The following ATP11C variants were observed in gnomAD, a reference collection of about 807,000 sequenced individuals.
The protein encoded by ATP11C is phospholipid-transporting ATPase IG.
In ATP11C, 36 loss-of-function variants were observed where a neutral mutation model predicts 97.4. That is an observed-to-expected ratio of 0.37 (90% CI 0.28 to 0.49). The LOEUF is 0.49. ATP11C is among the 20% of genes least tolerant of loss of function. The pLI is 0.98. For synonymous variants in ATP11C, 275 were observed against 290.9 expected, an observed-to-expected ratio of 0.95 and a Z score of 0.56; for missense variants, 730 against 824.6, an observed-to-expected ratio of 0.89 and a Z score of 1.40.
chrX:139,732,057 T>C (rs976564624), intron 28 of ATP11C, among the ~76,000 whole-genome samples: 2 of 111,217 alleles, frequency 1.8e-5, no homozygotes, highest in Non-Finnish European at 3.8e-5. Context: ...TGAGTCAATA[T>C]GGTTTGATTA....
chrX:139,732,682 CATT>C (rs1235557426), intron 28 of ATP11C, among the ~76,000 whole-genome samples: 1 of 110,054 alleles, frequency 9.1e-6, no homozygotes, highest in Non-Finnish European at 1.9e-5. Context: ...GTTTTGAAGA[CATT>C]ATTTTCTGAA....
intron 21 of ATP11C, among the ~76,000 whole-genome samples, 160 bp downstream of exon 21, chrX:139,763,156 T>A (rs989289355): frequency 3.6e-5 from 4 of 112,522 alleles, no homozygotes; most frequent in African/African-American, 1.3e-4. Context: ...GATGGACATG[T>A]TGCATGATCA....
rs774362140 is a variant in ATP11C, at chrX:139,726,935, C to CT, written c.*2030dup. ...TCTTTTAAAAAGGAAAGCCAGGTCC[C>CT]TCTCAAGGATCTAGGCCATGATATC... is the stretch of plus-strand genomic sequence containing the variant. On this transcript the variant is annotated 3_prime_UTR_variant, in exon 30 of 30. Transcript: ENST00000682941. 9 of 111,717 alleles carry CT rather than the reference C, an allele frequency of 8.1e-5. No homozygotes were observed. The East Asian group carries it at 2.5e-3, about 32-fold the overall frequency. 9.2% of individuals were successfully genotyped at this position (111,717 alleles called of 1,213,427 possible). A position where few individuals can be genotyped will look rare whatever the true frequency, so the allele number is the denominator to read the frequency against.
chrX:139,751,153 G>C (rs900578634), intron 23 of ATP11C, among the ~76,000 whole-genome samples: 4 of 112,288 alleles, frequency 3.6e-5, no homozygotes, highest in African/African-American at 1.3e-4. Context: ...GCATTAGTTA[G>C]TTCACTAGTT....
At chrX:139,916,505 G>C (rs1269874029) in intron 1 of ATP11C, among the ~76,000 whole-genome samples, 9 of 111,020 alleles carry the variant, frequency 8.1e-5, no homozygotes, top group African/African-American at 3.0e-4. Flanking sequence ...CAAATGTAAA[G>C]TCAACTACAA....
chrX:139,913,596 T>G (rs2085109846), intron 1 of ATP11C, among the ~76,000 whole-genome samples: 1 of 111,287 alleles, frequency 9.0e-6, no homozygotes, highest in Non-Finnish European at 1.9e-5. Flanking sequence ...TGAAATTCCT[T>G]CTCCTGGCTC....
intron 27 of ATP11C, among the ~76,000 whole-genome samples, chrX:139,740,443 A>C (rs2081532557): frequency 1.8e-5 from 2 of 111,543 alleles, no homozygotes; most frequent in Non-Finnish European, 3.8e-5. Flanking sequence ...TTTAAAGACA[A>C]GCTGCAGAGT....
chrX:139,796,803 C>T (rs778994916), intron 11 of ATP11C, among the ~76,000 whole-genome samples: 2 of 111,595 alleles, frequency 1.8e-5, no homozygotes, highest in East Asian at 2.8e-4. Context: ...ATGCTTTTAT[C>T]GTGACATTTC....
chrX:139,880,479 G>GCA (rs1054512322), intron 1 of ATP11C, among the ~76,000 whole-genome samples: 1 of 111,173 alleles, frequency 9.0e-6, no homozygotes, highest in Admixed American at 9.7e-5. Flanking sequence ...TTTCAAATGG[G>GCA]ATAGAATGAG....
At chrX:139,857,408 T>G (rs1002391515) in intron 1 of ATP11C, among the ~76,000 whole-genome samples, 1 of 111,888 alleles carries the variant, frequency 8.9e-6, no homozygotes, top group African/African-American at 3.2e-5. Context: ...ACTTTTAAAC[T>G]TAACTTCCTC....
intron 1 of ATP11C, among the ~76,000 whole-genome samples, chrX:139,872,527 G>A (rs1291219154): frequency 2.6e-5 from 2 of 78,340 alleles, no homozygotes; most frequent in Admixed American, 1.6e-4. Context: ...TCCACCCCAC[G>A]ACAGGCCCCG....
At position 139,728,390 on chromosome X, in the gene ATP11C, G is replaced by C. The variant is rs1603321225; in HGVS notation, c.*576C>G. 8.9e-6 allele frequency: 1 copy of C among 112,156 alleles called. No individual in the cohort carries two copies. Among genetic ancestry groups the C allele is most frequent in the Non-Finnish European group, 1.9e-5 (1 of 53,069 alleles). 9.2% of individuals were successfully genotyped at this position (112,156 alleles called of 1,213,427 possible). On this transcript the variant is annotated 3_prime_UTR_variant, in exon 30 of 30. Transcript: ENST00000682941. The stretch of plus-strand genomic sequence containing the variant: ...CTACCAAGACATTAGTAGCACATGG[G>C]TAAACAGAAGGGATTAACTATTCTG...
intron 20 of ATP11C, among the ~76,000 whole-genome samples, chrX:139,766,638 T>A (rs913188248): frequency 9.0e-6 from 1 of 111,488 alleles, no homozygotes; most frequent in Non-Finnish European, 1.9e-5. Context: ...GCGCACAGTA[T>A]ATAAAAGAAA....
At chrX:139,794,520 T>C (rs760428593) in intron 12 of ATP11C, among the ~76,000 whole-genome samples, 1 of 112,103 alleles carries the variant, frequency 8.9e-6, no homozygotes, top group Admixed American at 9.5e-5. Flanking sequence ...GCTATTAACT[T>C]GATTTGACTA....
At chrX:139,840,319 C>T (rs1014142830) in intron 1 of ATP11C, among the ~76,000 whole-genome samples, 1 of 112,205 alleles carries the variant, frequency 8.9e-6, no homozygotes, top group African/African-American at 3.2e-5. Flanking sequence ...TAGTCTACTA[C>T]GACACTTTAG....
rs1233857250 is a variant in ATP11C, at chrX:139,932,163, G to C, written c.-121C>G. On this transcript the variant is annotated 5_prime_UTR_variant, in exon 1 of 30. Coordinates refer to ENST00000682941, the MANE Select transcript of ATP11C (RefSeq NM_001353812.2). ...AAGCGGAGCAGCGAGGCGGGCGGCC[G>C]GGCCACCCGCTCGCCGCCTGCCCCC... 1.6e-5 allele frequency: 10 copies of C among 628,043 alleles called. No homozygotes were observed. The East Asian group carries it at 2.6e-4, about 16-fold the overall frequency. The allele number at this position is 628,043 out of a possible 1,213,427, so 51.8% of individuals were successfully genotyped here.
chrX:139,750,119 TG>T lies in ATP11C; in HGVS notation c.2733del (p.Tyr911Ter). On this transcript the variant is annotated frameshift_variant, in exon 24 of 30. Coordinates refer to ENST00000682941, the MANE Select transcript of ATP11C (RefSeq NM_001353812.2). LOFTEE classifies it high-confidence loss of function. ...PLYDAAYLTMYNICFTSLPIL... is the reference protein window; with the variant it reads ...PLYDAAYLTMXNICFTSLPIL... ...ATGGGCAAGGATGTGAAGCAGATAT[TG>T]TACATTGTAAGGTAAGCAGCATCAT... 8.3e-7 allele frequency: 1 copy of T among 1,203,007 alleles called. No individual in the cohort carries two copies.
Position 139,762,087 on chromosome X carries a change from A to T in ATP11C, c.2514T>A (p.Gly838=). The T allele has an allele frequency of 1.7e-6, 2 of 1,205,684 alleles. No individual in the cohort carries two copies. The highest frequency in any genetic ancestry group is 3.6e-5 in the South Asian group (2 of 55,911). The part of the protein sequence containing the change: ...HVGIGIKGKE[G]RQAARNSDYS... ...AATCGCTATTCCTAGCTGCTTGGCGACCTTCTTTGCCTTTAATACCTAAAA... is the reference window on the plus strand; with the variant it reads ...AATCGCTATTCCTAGCTGCTTGGCGTCCTTCTTTGCCTTTAATACCTAAAA... Residue 838 remains glycine (G), a synonymous_variant, in exon 22 of 30, where the codon GGT becomes GGA. Transcript: ENST00000682941.
chrX:139,858,131 C>T (rs1164065610), intron 1 of ATP11C, among the ~76,000 whole-genome samples: 5 of 113,048 alleles, frequency 4.4e-5, no homozygotes, highest in Admixed American at 9.3e-5. Flanking sequence ...AGAAGGACCT[C>T]GGCAGATGCA....
Sources: allele counts gnomAD v4.1 joint callset (sites outside exome capture counted in the v4.1 genomes callset), GRCh38; gene constraint gnomAD v4.1.1; transcripts MANE v1.5; gene names NCBI Gene and HGNC (gene_info 2026-07-23, HGNC 2026-07-21).